TENM4: variants seen among roughly 807,000 people sequenced by gnomAD.
TENM4 encodes the protein teneurin-4.
TENM4 carries 82 observed loss-of-function variants against 243.3 expected under a neutral mutation model. That is an observed-to-expected ratio of 0.34 (90% confidence interval 0.28 to 0.40). TENM4 has a LOEUF of 0.40. TENM4 is among the 10% of genes least tolerant of loss of function. The pLI, the probability that TENM4 is intolerant of heterozygous loss-of-function variation, is 1.00. For synonymous variants in TENM4, 1,412 were observed against 1,456.3 expected, an observed-to-expected ratio of 0.97 and a Z score of 0.69; for missense variants, 3,138 against 3,673.3, an observed-to-expected ratio of 0.85 and a Z score of 3.77.
At chr11:78,801,224 G>C (rs619014) in intron 15 of TENM4, among the ~76,000 whole-genome samples, 114,965 of 152,060 alleles carry the variant, frequency 0.76, 44,071 homozygotes, top group Non-Finnish European at 0.8. Flanking sequence ...GTCATTCCCC[G>C]CTTCCAACTC....
chr11:78,837,949 T>G (rs1363047885), intron 12 of TENM4, among the ~76,000 whole-genome samples: 2 of 152,208 alleles, frequency 1.3e-5, no homozygotes, highest in Non-Finnish European at 2.9e-5. Context: ...TTTATTTCTT[T>G]AAGAGATACT....
chr11:79,092,917 C>T (rs191222212), intron 4 of TENM4: 2 of 152,320 alleles, frequency 1.3e-5, no homozygotes, highest in Non-Finnish European at 2.9e-5. Flanking sequence ...CCTTGTTTTC[C>T]TTATCTGCAG....
Position 78,670,260 on chromosome 11 carries a change from T to C in TENM4, c.6085A>G (p.Lys2029Glu), listed in dbSNP as rs368134001. ...KLAETLYDTT[K>E]VSFTYDETAG... ...GTCTCGTCATAGGTGAAACTGACCT[T>C]GGTGGTGTCATAGAGCGTCTCTGCC... Residue 2029 changes from lysine to glutamate, a missense_variant, in exon 32 of 34, where the codon AAG becomes GAG. Lys to Glu is a moderately conservative substitution (Grantham distance 56, BLOSUM62 1). Around this residue, in one of 2 missense-constraint regions of TENM4, gnomAD observed 2,467 missense variants for 3,059.1 expected, o/e 0.81. Coordinates refer to ENST00000278550, the MANE Select transcript of TENM4 (RefSeq NM_001098816.3). The C allele has an allele frequency of 2.5e-6, 4 of 1,613,816 alleles. No homozygotes were observed. The African/African-American group carries it at 4.0e-5, about 16-fold the overall frequency.
At chr11:79,295,161 T>C (rs1452037523) in intron 2 of TENM4, among the ~76,000 whole-genome samples, 1 of 152,168 alleles carries the variant, frequency 6.6e-6, no homozygotes, top group Non-Finnish European at 1.5e-5. Flanking sequence ...CCAGTCCTGT[T>C]TAGGCGAATG....
At chr11:79,144,119 A>C (rs1862348091) in intron 4 of TENM4, among the ~76,000 whole-genome samples, 1 of 152,066 alleles carries the variant, frequency 6.6e-6, no homozygotes, top group African/African-American at 2.4e-5. Context: ...AAATATAATA[A>C]TTTGATTAAA....
rs543359413 is a variant in TENM4 at position 78,702,298 on chromosome 11, G to T, written c.4315C>A (p.Arg1439Ser). Residue 1439 changes from arginine to serine, a missense_variant, in exon 28 of 34, where the codon CGC becomes AGC. Arg to Ser is a moderately radical substitution (Grantham distance 110). Around this residue, in one of 2 missense-constraint regions of TENM4, gnomAD observed 2,467 missense variants for 3,059.1 expected, o/e 0.81. Coordinates refer to ENST00000278550, the MANE Select transcript of TENM4 (RefSeq NM_001098816.3). ...VLQISENHQV[R>S]IVAGRPMHCQ... is the part of the protein sequence containing the mutation. Reference sequence around the variant, plus strand: ...TGCATGGGCCTCCCGGCGACAATGCGCACCTGGTGGTTTTCAGAGATTTGC... The same window carrying T: ...TGCATGGGCCTCCCGGCGACAATGCTCACCTGGTGGTTTTCAGAGATTTGC... 1 of 1,614,030 alleles carries T rather than the reference G, an allele frequency of 6.2e-7. No individual in the cohort carries two copies. Among genetic ancestry groups the T allele is most frequent in the South Asian group, 1.1e-5 (1 of 91,084 alleles).
chr11:79,110,764 GAC>G (rs1393761436), intron 4 of TENM4, among the ~76,000 whole-genome samples: 1 of 152,148 alleles, frequency 6.6e-6, no homozygotes, highest in Non-Finnish European at 1.5e-5. Flanking sequence ...TGGAAAGGGG[GAC>G]ACTGGCACCT....
rs567322101 is a variant in TENM4, at chr11:78,898,452, T to C, written c.749+4816A>G. ...TTTCTCTGATATCAAGAGGCTCCCA[T>C]TCTGGTGGGGACTGGCAAAAGCTGT... On this transcript the variant is annotated intron_variant, in intron 7 of 33. Coordinates refer to ENST00000278550, the MANE Select transcript of TENM4 (RefSeq NM_001098816.3). Among the ~76,000 whole-genome samples, 3 of 152,286 alleles carry C rather than the reference T, an allele frequency of 2.0e-5. No homozygotes were observed. In the East Asian group the frequency reaches 5.8e-4, roughly 29 times the overall value.
chr11:79,247,891 A>G (rs1316395307), intron 2 of TENM4, among the ~76,000 whole-genome samples: 4 of 152,218 alleles, frequency 2.6e-5, no homozygotes, highest in Admixed American at 2.0e-4. Context: ...TTTTTACAGG[A>G]GAAGGAGAAA....
chr11:79,080,481 T>G (rs1036379277), intron 4 of TENM4, among the ~76,000 whole-genome samples: 2 of 152,106 alleles, frequency 1.3e-5, no homozygotes, highest in Non-Finnish European at 2.9e-5. Context: ...CGAGCAGGGG[T>G]TAACAGGGCA....
At chr11:79,017,100 A>C (rs1416878456) in intron 6 of TENM4, among the ~76,000 whole-genome samples, 2 of 152,248 alleles carry the variant, frequency 1.3e-5, no homozygotes, top group Admixed American at 6.5e-5. Flanking sequence ...CATTGAGGTC[A>C]GGTGACGAGA....
chr11:79,304,013 A>G (rs542376951), intron 1 of TENM4, among the ~76,000 whole-genome samples: 2 of 152,274 alleles, frequency 1.3e-5, no homozygotes, highest in South Asian at 4.2e-4. Flanking sequence ...GGAATGGAAT[A>G]TGAGATAGCC....
At chr11:79,057,856 AC>A (rs1859981051) in intron 6 of TENM4, among the ~76,000 whole-genome samples, 1 of 152,014 alleles carries the variant, frequency 6.6e-6, no homozygotes, top group African/African-American at 2.4e-5. Context: ...CTCTTGGTTT[AC>A]CCCCAAGCTT....
chr11:78,879,849 C>T (rs1291693264), intron 9 of TENM4, among the ~76,000 whole-genome samples: 1 of 152,070 alleles, frequency 6.6e-6, no homozygotes, highest in Non-Finnish European at 1.5e-5. Flanking sequence ...TGCCTGGCTG[C>T]CCCGTCTGGG....
chr11:78,692,777 C>T (rs1229449063), intron 28 of TENM4, among the ~76,000 whole-genome samples: 1 of 152,198 alleles, frequency 6.6e-6, no homozygotes, highest in East Asian at 1.9e-4. Context: ...TCAGTGCATG[C>T]TGGGGTGCTC....
chr11:79,214,258 G>A (rs1271456161), intron 3 of TENM4, among the ~76,000 whole-genome samples: 9 of 152,166 alleles, frequency 5.9e-5, no homozygotes, highest in African/African-American at 2.2e-4. Context: ...GCCTCCCAAA[G>A]TGCTGGGATT....
chr11:79,217,520 G>T (rs1346783552), intron 2 of TENM4, among the ~76,000 whole-genome samples: 1 of 152,152 alleles, frequency 6.6e-6, no homozygotes, highest in Non-Finnish European at 1.5e-5. Flanking sequence ...GTGAGGAATT[G>T]CTGGGAATTC....
intron 3 of TENM4, among the ~76,000 whole-genome samples, chr11:79,172,666 C>CTT (rs71457503): frequency 0.088 from 12,084 of 137,602 alleles, 1,148 homozygotes; most frequent in East Asian, 0.42. Flanking sequence ...TTTTCTGTTC[C>CTT]TTTTTTTTTT....
chr11:79,229,994 C>CTTTT (rs60636115), intron 2 of TENM4, among the ~76,000 whole-genome samples: 3 of 132,670 alleles, frequency 2.3e-5, no homozygotes, highest in East Asian at 2.3e-4. Context: ...GTTTGGCTAA[C>CTTTT]TTTTTTTTTT....
Sources: allele counts gnomAD v4.1 joint callset (sites outside exome capture counted in the v4.1 genomes callset), GRCh38; gene constraint gnomAD v4.1.1; regional missense constraint gnomAD v4.1.1; transcripts MANE v1.5; gene names NCBI Gene and HGNC (gene_info 2026-07-23, HGNC 2026-07-21).